Variants in TMEM132A observed in about 807,000 individuals in gnomAD.
TMEM132A encodes GRP78-binding protein.
Under a neutral mutation model 69.9 loss-of-function variants are expected in TMEM132A, and 48 were observed. That is an observed-to-expected ratio of 0.69 (90% confidence interval 0.55 to 0.87). The LOEUF (loss-of-function observed/expected upper bound fraction) is 0.87, where lower values mean the gene tolerates loss of function less well. Ranked by LOEUF, TMEM132A falls within the 40% of genes least tolerant of loss-of-function variation. The pLI is 0.00. For synonymous variants in TMEM132A, 577 were observed against 613.7 expected (o/e 0.94, Z 0.88); for missense variants, 1,287 against 1,407.2 (o/e 0.91, Z 1.37).
Position 60,936,231 on chromosome 11 carries a change from G to A in TMEM132A, c.2396G>A (p.Gly799Asp). The A allele has an allele frequency of 6.2e-7, 1 of 1,614,114 alleles. No individual in the cohort carries two copies. Among genetic ancestry groups the A allele is most frequent in the Non-Finnish European group, 8.5e-7 (1 of 1,179,998 alleles). Reference sequence around the variant, plus strand: ...ATGGGTGGTAAACGGCAGGTGGCAGGCAGTGTCGGGGGCAACACAGGTGTG... The same window carrying A: ...ATGGGTGGTAAACGGCAGGTGGCAGACAGTGTCGGGGGCAACACAGGTGTG... ...ATMGGKRQVA[G>D]SVGGNTGVRG... The change falls in exon 11 of 11, where the codon GGC (glycine) becomes GAC (aspartate). Residue 799 changes from glycine (G) to aspartate (D), a missense_variant. Physicochemically the swap from Gly to Asp is moderately conservative, Grantham distance 94. Transcript: ENST00000453848.
chr11:60,932,192 C>A, intron 7 of TMEM132A, 65 bp downstream of exon 7: 1 of 1,473,958 alleles, frequency 6.8e-7, no homozygotes, highest in South Asian at 1.5e-5. Context: ...GCACACACAC[C>A]TTTCCTCCTT....
At position 60,933,697 on chromosome 11, in the gene TMEM132A, C is replaced by T. The variant is rs752352708; in HGVS notation, c.1512C>T (p.Thr504=). ...CGCTGCGTATCGAGCTCACCGACAC[C>T]ACCCTCGAGCAGGTCCGCGGCTGGA... ...LLPLRIELTD[T]TLEQVRGWRV... The change falls in exon 8 of 11, where the codon ACC becomes ACT. Residue 504 remains threonine (T), a synonymous_variant. Transcript: ENST00000453848. 6.2e-7 allele frequency: 1 copy of T among 1,600,740 alleles called. No homozygotes were observed. Among genetic ancestry groups the T allele is most frequent in the Non-Finnish European group, 8.5e-7 (1 of 1,175,712 alleles).
chr11:60,933,327 C>T lies in TMEM132A; in HGVS notation c.1357-215C>T. On this transcript the variant is annotated intron_variant, in intron 7 of 10. Transcript: ENST00000453848. ...CCTCCCCAGTAGCTAGGACTACAGG[C>T]ATGTGCCACCACACCCGGCTGATTT... 4 of 577,248 alleles carry T rather than the reference C, an allele frequency of 6.9e-6. No homozygotes were observed. In the South Asian group the frequency reaches 8.6e-5, roughly 12 times the overall value. The allele number at this position is 577,248 out of a possible 1,614,324, so 35.8% of individuals were successfully genotyped here. A position where few individuals can be genotyped will look rare whatever the true frequency, so the allele number is the denominator to read the frequency against.
rs575821815 is a variant in TMEM132A at position 60,934,993 on chromosome 11, G to C, written c.1836+229G>C. Among the ~76,000 whole-genome samples the C allele has an allele frequency of 7.9e-5, 12 of 152,278 alleles. No individual in the cohort carries two copies. The South Asian group carries it at 2.1e-3, about 26-fold the overall frequency. ...CTGAGGTGTGGGTAGTGTGGGGACC[G>C]GGTCTTGAGGGAAAAGGGAACTGCC... On this transcript the variant is annotated intron_variant, in intron 9 of 10. Coordinates refer to ENST00000453848, the MANE Select transcript of TMEM132A (RefSeq NM_178031.3).
At position 60,924,851 on chromosome 11, in the gene TMEM132A, C is replaced by T. The variant is rs1004789522; in HGVS notation, c.100+118C>T. On this transcript the variant is annotated intron_variant, in intron 1 of 10. Transcript: ENST00000453848. ...GGACTGAACCCTGAGCGGGGTCGCC[C>T]CGCAGCGCCCTGAAGGTCGGAGAGT... The T allele has an allele frequency of 1.9e-4, 138 of 715,640 alleles. 1 individual carries two copies. In the East Asian group the frequency reaches 4.2e-3, roughly 22 times the overall value. The allele number at this position is 715,640 out of a possible 1,614,324, so 44.3% of individuals were successfully genotyped here. A position where few individuals can be genotyped will look rare whatever the true frequency, so the allele number is the denominator to read the frequency against.
intron 3 of TMEM132A, among the ~76,000 whole-genome samples, chr11:60,928,195 A>G (rs1797018103): frequency 6.6e-6 from 1 of 152,226 alleles, no homozygotes; most frequent in Non-Finnish European, 1.5e-5. Flanking sequence ...CGGCAGAGTA[A>G]TCAATCAGCC....
chr11:60,933,636 C>G lies in TMEM132A; in HGVS notation c.1451C>G (p.Ala484Gly). The G allele has an allele frequency of 6.2e-7, 1 of 1,605,640 alleles. No individual in the cohort carries two copies. The highest frequency in any genetic ancestry group is 8.5e-7 in the Non-Finnish European group (1 of 1,179,140). ...RVDFWWRRLR[A>G]SLRLTVWAPL... ...GACTTCTGGTGGCGCCGGCTCCGCGCCTCGCTGCGGCTGACCGTGTGGGCC... is the reference window on the plus strand; with the variant it reads ...GACTTCTGGTGGCGCCGGCTCCGCGGCTCGCTGCGGCTGACCGTGTGGGCC... The change falls in exon 8 of 11, where the codon GCC (alanine) becomes GGC (glycine). Residue 484 changes from alanine to glycine, a missense_variant. Coordinates refer to ENST00000453848, the MANE Select transcript of TMEM132A (RefSeq NM_178031.3).
At position 60,928,533 on chromosome 11, in the gene TMEM132A, C is replaced by T. The variant is rs977965005; in HGVS notation, c.535-96C>T. On this transcript the variant is annotated intron_variant, in intron 3 of 10. Transcript: ENST00000453848. Reference sequence around the variant, plus strand: ...CATGCTGGGCCTCCCTTTCATGAGCCCCTCCAGCTCTGGGTTTCCTGCCAT... The same window carrying T: ...CATGCTGGGCCTCCCTTTCATGAGCTCCTCCAGCTCTGGGTTTCCTGCCAT... 331 of 1,184,068 alleles carry T rather than the reference C, an allele frequency of 2.8e-4. 1 individual carries two copies. Among genetic ancestry groups the T allele is most frequent in the East Asian group, 5.2e-4 (22 of 42,456 alleles). The allele number at this position is 1,184,068 out of a possible 1,614,324, so 73.3% of individuals were successfully genotyped here. A position where few individuals can be genotyped will look rare whatever the true frequency, so the allele number is the denominator to read the frequency against.
chr11:60,930,567 C>G lies in TMEM132A; in HGVS notation c.924C>G (p.Leu308=), dbSNP rs1478382937. 3 of 1,613,430 alleles carry G rather than the reference C, an allele frequency of 1.9e-6. No individual in the cohort carries two copies. Among genetic ancestry groups the G allele is most frequent in the South Asian group, 1.1e-5 (1 of 91,030 alleles). The change falls in exon 5 of 11, where the codon CTC becomes CTG. Residue 308 remains leucine (L), a synonymous_variant. Coordinates refer to ENST00000453848, the MANE Select transcript of TMEM132A (RefSeq NM_178031.3). ...CCGCCCGCCCAGCCCAGCCCACACT[C>G]TGGACTGCCAAGCTGGACCGCTTCA... ...VTAARPAQPT[L]WTAKLDRFKG...
At position 60,924,479 on chromosome 11, in the gene TMEM132A, C is replaced by G. The variant is rs770856046; in HGVS notation, c.-155C>G. 1 of 428,028 alleles carries G rather than the reference C, an allele frequency of 2.3e-6. No homozygotes were observed. The highest frequency in any genetic ancestry group is 3.9e-6 in the Non-Finnish European group (1 of 258,180). 26.5% of individuals were successfully genotyped at this position (428,028 alleles called of 1,614,324 possible). On this transcript the variant is annotated 5_prime_UTR_variant, in exon 1 of 11. Coordinates refer to ENST00000453848, the MANE Select transcript of TMEM132A (RefSeq NM_178031.3). ...CACCCCACTGCTCCCGCTCCATTGT[C>G]TGGGAATTGCAGCCGCGGGGCGGGC...
chr11:60,931,122 A>G (rs971054623), intron 5 of TMEM132A, among the ~76,000 whole-genome samples: 2 of 152,200 alleles, frequency 1.3e-5, no homozygotes, highest in African/African-American at 4.8e-5. Flanking sequence ...TGCTTTTGGG[A>G]TGGGCAAAAC....
intron 5 of TMEM132A, among the ~76,000 whole-genome samples, chr11:60,931,240 A>G (rs2074414): frequency 0.43 from 64,959 of 152,170 alleles, 14,041 homozygotes; most frequent in Middle Eastern, 0.47. Flanking sequence ...ATACAGTGCT[A>G]CATATCAGGC....
In TMEM132A at chr11:60,936,454, G is replaced by A; in HGVS notation, c.2619G>A (p.Leu873=). ...IFLVNGVVFV[L]RYQRKEPPDS... Reference sequence around the variant, plus strand: ...TGGTCAATGGTGTGGTCTTCGTCCTGCGCTATCAGCGCAAAGAACCTCCCG... The same window carrying A: ...TGGTCAATGGTGTGGTCTTCGTCCTACGCTATCAGCGCAAAGAACCTCCCG... The change falls in exon 11 of 11, where the codon CTG becomes CTA. Residue 873 remains leucine, a synonymous_variant. Coordinates refer to ENST00000453848, the MANE Select transcript of TMEM132A (RefSeq NM_178031.3). The A allele has an allele frequency of 2.5e-6, 4 of 1,614,198 alleles. No individual in the cohort carries two copies. Among genetic ancestry groups the A allele is most frequent in the Non-Finnish European group, 3.4e-6 (4 of 1,180,014 alleles).
At chr11:60,930,417 G>T (rs1324542919) in intron 4 of TMEM132A, 93 bp from the exon 5 acceptor site, 5 of 1,424,020 alleles carry the variant, frequency 3.5e-6, no homozygotes, top group Admixed American at 2.3e-5. Flanking sequence ...AGCCAGGGAG[G>T]TCAGATGGCT....
chr11:60,929,637 G>C (rs1004504273), intron 4 of TMEM132A, among the ~76,000 whole-genome samples: 1 of 152,190 alleles, frequency 6.6e-6, no homozygotes, highest in Admixed American at 6.5e-5. Context: ...GTTAGGGTGA[G>C]GCACTGGGAC....
At chr11:60,928,606 T>C (rs960105610) in intron 3 of TMEM132A, 23 bp from the exon 4 acceptor site, 2 of 1,601,380 alleles carry the variant, frequency 1.2e-6, no homozygotes, top group Non-Finnish European at 1.7e-6. Flanking sequence ...CCCATGCCAA[T>C]TACTGCTGTC....
rs751331854 is a variant in TMEM132A, at chr11:60,928,796, G to T, written c.702G>T (p.Val234=). The stretch of plus-strand genomic sequence containing the variant: ...ACCCTGGGGAGCAGGCCCTCCCAGT[G>T]GGGGGTGTGGAGCTGCGCCCAGCAG... The part of the protein sequence containing the change: ...ENDPGEQALP[V]GGVELRPADP... The change falls in exon 4 of 11, where the codon GTG becomes GTT. Residue 234 remains valine (V), a synonymous_variant. Transcript: ENST00000453848. 9 of 1,610,146 alleles carry T rather than the reference G, an allele frequency of 5.6e-6. No individual in the cohort carries two copies. Among genetic ancestry groups the T allele is most frequent in the African/African-American group, 1.3e-5 (1 of 74,914 alleles).
In TMEM132A at chr11:60,936,909, C is replaced by T. The variant is rs1248569626; in HGVS notation, c.*2C>T. On this transcript the variant is annotated 3_prime_UTR_variant, in exon 11 of 11. Transcript: ENST00000453848. ...GAGAGGATCCGGGGCAGCTCCTGACCCTCCACAGCCACCTGGTCAGCCACC... is the reference window on the plus strand; with the variant it reads ...GAGAGGATCCGGGGCAGCTCCTGACTCTCCACAGCCACCTGGTCAGCCACC... 2 of 1,524,686 alleles carry T rather than the reference C, an allele frequency of 1.3e-6. No homozygotes were observed. The highest frequency in any genetic ancestry group is 4.6e-5 in the East Asian group (2 of 43,738). 94.4% of individuals were successfully genotyped at this position (1,524,686 alleles called of 1,614,324 possible).
In TMEM132A at chr11:60,936,897, G is replaced by A. The variant is rs979607035; in HGVS notation, c.3062G>A (p.Gly1021Asp). Residue 1021 changes from glycine to aspartate, a missense_variant, in exon 11 of 11, where the codon GGC becomes GAC. Transcript: ENST00000453848. ...ELRNYMERIR[G>D]SS Reference sequence around the variant, plus strand: ...CGCAACTACATGGAGAGGATCCGGGGCAGCTCCTGACCCTCCACAGCCACC... The same window carrying A: ...CGCAACTACATGGAGAGGATCCGGGACAGCTCCTGACCCTCCACAGCCACC... The A allele has an allele frequency of 3.2e-5, 50 of 1,548,382 alleles. No homozygotes were observed. The highest frequency in any genetic ancestry group is 4.3e-5 in the Non-Finnish European group (49 of 1,146,752).
Sources: allele counts gnomAD v4.1 joint callset (sites outside exome capture counted in the v4.1 genomes callset), GRCh38; gene constraint gnomAD v4.1.1; transcripts MANE v1.5; gene names NCBI Gene and HGNC (gene_info 2026-07-23, HGNC 2026-07-21).